RNLS: variants seen among roughly 807,000 people sequenced by gnomAD.
RNLS encodes the protein renalase.
In RNLS, 39 loss-of-function variants were observed where a neutral mutation model predicts 39.8. The ratio of observed to expected loss-of-function variants is 0.98; its 90% CI spans 0.76 to 1.28. RNLS has a LOEUF of 1.28. RNLS is among the 50% of genes most tolerant of loss of function. The pLI is 0.00. For missense variants in RNLS, 410 were observed against 413.3 expected (o/e 0.99, Z 0.07); for synonymous variants, 147 against 150.7 (o/e 0.98, Z 0.18).
intron 6 of RNLS, chr10:88,309,553 C>A (rs1392174952): frequency 1.1e-6 from 1 of 891,760 alleles, no homozygotes; most frequent in Non-Finnish European, 1.6e-6. Context: ...CCTAGCAGTA[C>A]TATGGGTAAC....
At chr10:88,433,405 A>G (rs549395215) in intron 4 of RNLS, among the ~76,000 whole-genome samples, 253 of 152,192 alleles carry the variant, frequency 1.7e-3, no homozygotes, top group Admixed American at 2.4e-3. Flanking sequence ...ATCACTTGCA[A>G]GCAGTGCTAC....
chr10:88,504,316 T>C (rs989127141), intron 4 of RNLS, among the ~76,000 whole-genome samples: 3 of 152,112 alleles, frequency 2.0e-5, no homozygotes, highest in Non-Finnish European at 2.9e-5. Flanking sequence ...TATGAGTTGA[T>C]ACTAGGGTGA....
At chr10:88,509,465 A>G (rs1845977675) in intron 4 of RNLS, among the ~76,000 whole-genome samples, 2 of 138,132 alleles carry the variant, frequency 1.4e-5, no homozygotes, top group African/African-American at 5.3e-5. Flanking sequence ...AAAAGGAGAG[A>G]AGAGGAGAGG....
chr10:88,309,293 A>C (rs1394995896), intron 6 of RNLS: 2 of 782,410 alleles, frequency 2.6e-6, no homozygotes, highest in Non-Finnish European at 3.6e-6. Flanking sequence ...AAATAAGGAA[A>C]AGAAAAAGAA....
intron 4 of RNLS, among the ~76,000 whole-genome samples, chr10:88,519,471 T>G (rs759163913): frequency 6.6e-6 from 1 of 150,756 alleles, no homozygotes; most frequent in Non-Finnish European, 1.5e-5. Context: ...ATGTCAAATA[T>G]GTTGTTCATT....
the RNLS span, among the ~76,000 whole-genome samples, chr10:88,200,756 T>G: frequency 3.9e-3 from 594 of 152,314 alleles, 3 homozygotes; most frequent in Non-Finnish European, 7.0e-3. Context: ...AAGAATTTGC[T>G]GCACCCACAG....
intron 4 of RNLS, among the ~76,000 whole-genome samples, chr10:88,473,390 A>G (rs987086803): frequency 4.6e-5 from 7 of 152,160 alleles, no homozygotes; most frequent in African/African-American, 1.7e-4. Context: ...ACTTGGGTGA[A>G]GCAGAAACTA....
chr10:88,521,847 T>C (rs1299737553), intron 4 of RNLS, among the ~76,000 whole-genome samples: 1 of 152,094 alleles, frequency 6.6e-6, no homozygotes, highest in African/African-American at 2.4e-5. Context: ...ATAGCCATAG[T>C]TAGCAGAATG....
At chr10:88,379,972 C>T (rs534543503) in intron 4 of RNLS, among the ~76,000 whole-genome samples, 6 of 152,108 alleles carry the variant, frequency 3.9e-5, no homozygotes, top group Non-Finnish European at 8.8e-5. Context: ...CAGCCGAGAC[C>T]CCAGACACCA....
chr10:88,548,261 C>CAAAAAAAA (rs869175046), intron 4 of RNLS, among the ~76,000 whole-genome samples: 17 of 32,402 alleles, frequency 5.2e-4, no homozygotes, highest in Non-Finnish European at 6.9e-4. Context: ...GACTCCGTCT[C>CAAAAAAAA]AAAAAAAAAA....
chr10:88,529,360 C>A (rs1847287859), intron 4 of RNLS, among the ~76,000 whole-genome samples: 1 of 152,172 alleles, frequency 6.6e-6, no homozygotes, highest in Admixed American at 6.6e-5. Context: ...GTGGGCAGGT[C>A]TGTTCAGTAT....
chr10:88,253,184 T>A, the RNLS span, among the ~76,000 whole-genome samples: 2 of 152,174 alleles, frequency 1.3e-5, no homozygotes, highest in Non-Finnish European at 2.9e-5. Context: ...CCCACTGTAT[T>A]TCAGAGCCTC....
chr10:88,290,443 G>A lies in RNLS; in HGVS notation c.877-4937C>T, dbSNP rs188298273. Among the ~76,000 whole-genome samples the A allele has an allele frequency of 2.0e-5, 3 of 152,286 alleles. No homozygotes were observed. In the East Asian group the frequency reaches 5.8e-4, roughly 29 times the overall value. ...GGGAGACTGGACAATGAATAATCAA[G>A]TTTTTCCTGCTACATTTCCTCACTT... On this transcript the variant is annotated intron_variant, in intron 6 of 6. Coordinates refer to ENST00000331772, the MANE Select transcript of RNLS (RefSeq NM_001031709.3).
At chr10:88,347,787 T>G (rs567836121) in intron 5 of RNLS, among the ~76,000 whole-genome samples, 128 of 152,262 alleles carry the variant, frequency 8.4e-4, no homozygotes, top group Non-Finnish European at 1.6e-3. Context: ...CTTTTCGCCC[T>G]TTCTTTGTTC....
At chr10:88,339,814 C>CACACTT (rs1385699928) in intron 5 of RNLS, among the ~76,000 whole-genome samples, 1 of 152,172 alleles carries the variant, frequency 6.6e-6, no homozygotes, top group Non-Finnish European at 1.5e-5. Context: ...AAGGATGAGA[C>CACACTT]ACACTTAGCA....
chr10:88,233,942 G>A, the RNLS span, among the ~76,000 whole-genome samples: 5 of 151,188 alleles, frequency 3.3e-5, no homozygotes, highest in Non-Finnish European at 5.9e-5. Context: ...TTGAGGGTTT[G>A]GGGGAATCAA....
At chr10:88,418,795 G>C (rs1474731986) in intron 4 of RNLS, among the ~76,000 whole-genome samples, 1 of 152,122 alleles carries the variant, frequency 6.6e-6, no homozygotes, top group African/African-American at 2.4e-5. Context: ...ACTACAAATG[G>C]TGTTTAAGTT....
the RNLS span, among the ~76,000 whole-genome samples, chr10:88,254,765 C>T: frequency 6.6e-6 from 1 of 152,208 alleles, no homozygotes; most frequent in African/African-American, 2.4e-5. Flanking sequence ...GTAACCTTCT[C>T]AAGATAGTAC....
the RNLS span, among the ~76,000 whole-genome samples, chr10:88,192,854 G>C: frequency 1.3e-5 from 2 of 152,184 alleles, no homozygotes. Context: ...GTAACTACCT[G>C]CTAACTTTAA....
Sources: gnomAD v4.1 joint callset for allele counts (sites outside exome capture counted in the v4.1 genomes callset) on GRCh38, gnomAD v4.1.1 for gene constraint, MANE v1.5 for transcripts, NCBI Gene and HGNC (gene_info 2026-07-23, HGNC 2026-07-21) for gene names.